The following SMG7 variants were observed in gnomAD, a reference collection of about 807,000 sequenced individuals.
SMG7 encodes the protein nonsense-mediated mRNA decay factor SMG7.
In SMG7, 34 loss-of-function variants were observed where a neutral mutation model predicts 148.2. That is an observed-to-expected ratio of 0.23 (90% CI 0.17 to 0.31). The LOEUF (loss-of-function observed/expected upper bound fraction) is 0.31. SMG7 is among the 10% of genes least tolerant of loss of function. The pLI, the probability that SMG7 is intolerant of heterozygous loss-of-function variation, is 1.00. For synonymous variants in SMG7, 492 were observed against 515.1 expected, an observed-to-expected ratio of 0.96 and a Z score of 0.61; for missense variants, 1,114 against 1,408.4, an observed-to-expected ratio of 0.79 and a Z score of 3.35.
chr1:183,502,533 A>G (rs1659971660), intron 1 of SMG7: 1 of 566,142 alleles, frequency 1.8e-6, no homozygotes, highest in Non-Finnish European at 2.8e-6. Context: ...GGCATGCTAA[A>G]GTTTTATTAT....
chr1:183,487,530 G>A (rs779213548), intron 1 of SMG7, among the ~76,000 whole-genome samples: 6 of 152,164 alleles, frequency 3.9e-5, no homozygotes, highest in Non-Finnish European at 8.8e-5. Context: ...TTCCACAATA[G>A]CTATACAGCC....
At chr1:183,516,106 A>G (rs1258523395) in intron 3 of SMG7, 115 bp downstream of exon 3, 11 of 670,112 alleles carry the variant, frequency 1.6e-5, no homozygotes, top group East Asian at 2.6e-5. Context: ...AACTTTTTCA[A>G]TGGAAAGTAA....
At chr1:183,485,556 A>C (rs1179780389) in intron 1 of SMG7, among the ~76,000 whole-genome samples, 1 of 152,186 alleles carries the variant, frequency 6.6e-6, no homozygotes, top group African/African-American at 2.4e-5. Context: ...TAGTATCACT[A>C]CTTAGATACA....
chr1:183,544,650 T>G (rs952588983), intron 15 of SMG7, among the ~76,000 whole-genome samples, 153 bp downstream of exon 15: 7 of 152,242 alleles, frequency 4.6e-5, no homozygotes, highest in African/African-American at 1.7e-4. Context: ...TTGAACTGTT[T>G]GTGTGTAGTG....
chr1:183,549,796 G>C lies in SMG7; in HGVS notation c.3006G>C (p.Glu1002Asp), dbSNP rs1572113922. The change falls in exon 20 of 23, where the codon GAG (glutamate) becomes GAC (aspartate). Residue 1002 changes from glutamate (E) to aspartate (D), a missense_variant. Physicochemically the swap from Glu to Asp is conservative, Grantham distance 45. This residue lies in a region of SMG7 where 788 missense variants were observed against 894.5 expected (regional missense o/e 0.88). Transcript: ENST00000688051. ...ERYPNNSMFNEVYGKNLTSSS... is the reference protein window; with the variant it reads ...ERYPNNSMFNDVYGKNLTSSS... ...ACCCAAATAATAGTATGTTCAATGA[G>C]GTATATGGGAAAAACCTGACATCCA... is the stretch of plus-strand genomic sequence containing the variant. 1 of 1,613,786 alleles carries C rather than the reference G, an allele frequency of 6.2e-7. No homozygotes were observed. The highest frequency in any genetic ancestry group is 8.5e-7 in the Non-Finnish European group (1 of 1,179,760).
At chr1:183,481,686 A>G (rs1295364381) in intron 1 of SMG7, among the ~76,000 whole-genome samples, 2 of 152,200 alleles carry the variant, frequency 1.3e-5, no homozygotes, top group East Asian at 3.8e-4. Context: ...ATGTGGCACA[A>G]ATATTTCAAT....
At chr1:183,539,898 A>G (rs1346885535) in intron 12 of SMG7, among the ~76,000 whole-genome samples, 1 of 152,200 alleles carries the variant, frequency 6.6e-6, no homozygotes, top group Non-Finnish European at 1.5e-5. Flanking sequence ...GTCTGTTTCT[A>G]CACTGCCTAT....
chr1:183,504,701 G>A (rs1660510264), intron 1 of SMG7, among the ~76,000 whole-genome samples: 1 of 152,006 alleles, frequency 6.6e-6, no homozygotes, highest in Non-Finnish European at 1.5e-5. Context: ...CACTTTCTCT[G>A]CATTCTTTTC....
At position 183,553,366 on chromosome 1, in the gene SMG7, T is replaced by C. The variant is rs1671356451; in HGVS notation, c.*1435T>C. On this transcript the variant is annotated 3_prime_UTR_variant, in exon 23 of 23. Coordinates refer to ENST00000688051, the MANE Select transcript of SMG7 (RefSeq NM_001375584.1). The stretch of plus-strand genomic sequence containing the variant: ...ATTGCTGTGCTAGTGGTAGGGTTTA[T>C]TTTCTGGGAGGTCTCTCCTTTGTGT... 1.3e-6 allele frequency: 1 copy of C among 770,966 alleles called. No individual in the cohort carries two copies. The highest frequency in any genetic ancestry group is 2.0e-6 in the Non-Finnish European group (1 of 496,488). The allele number at this position is 770,966 out of a possible 1,614,324, so 47.8% of individuals were successfully genotyped here.
At chr1:183,514,028 TCA>T (rs1662867790) in intron 2 of SMG7, among the ~76,000 whole-genome samples, 1 of 61,308 alleles carries the variant, frequency 1.6e-5, no homozygotes, top group African/African-American at 7.6e-5. Context: ...AGACTCCGTC[TCA>T]AAAAAAAAAA....
chr1:183,547,682 A>C (rs888127024), intron 18 of SMG7, among the ~76,000 whole-genome samples: 1 of 152,164 alleles, frequency 6.6e-6, no homozygotes, highest in African/African-American at 2.4e-5. Context: ...TTTGACTGAC[A>C]TTACTGAACA....
intron 17 of SMG7, 39 bp from the exon 18 acceptor site, chr1:183,547,064 T>C (rs1572100654): frequency 2.6e-6 from 4 of 1,528,710 alleles, no homozygotes; most frequent in Non-Finnish European, 3.5e-6. Context: ...GCTTTTGTTA[T>C]CCCTTATTGC....
At chr1:183,507,639 T>G (rs1661218369) in intron 1 of SMG7, among the ~76,000 whole-genome samples, 1 of 152,194 alleles carries the variant, frequency 6.6e-6, no homozygotes, top group Non-Finnish European at 1.5e-5. Context: ...ACGCTACATA[T>G]AGTGTTAGCT....
chr1:183,508,705 A>C (rs1203950176), intron 1 of SMG7, among the ~76,000 whole-genome samples: 2 of 152,124 alleles, frequency 1.3e-5, no homozygotes, highest in Non-Finnish European at 1.5e-5. Context: ...CACCTGTCTA[A>C]ATGGATATTT....
chr1:183,508,216 C>CAA, intron 1 of SMG7: 1 of 735,316 alleles, frequency 1.4e-6, no homozygotes, highest in Non-Finnish European at 1.7e-6. Flanking sequence ...TCTTTGGAGA[C>CAA]AAAGTCTCAC....
At chr1:183,534,651 A>G (rs1667425570) in intron 10 of SMG7, among the ~76,000 whole-genome samples, 1 of 152,200 alleles carries the variant, frequency 6.6e-6, no homozygotes, top group Non-Finnish European at 1.5e-5. Flanking sequence ...ACTTGAGGTC[A>G]GGAGTTTGAG....
rs1439266972 is a variant in SMG7 at position 183,547,394 on chromosome 1, A to G, written c.2892+142A>G. ...TAAAACATATTTTCTAATTGCCTAAACCAACCTTAAGTTGGTAGTAGGATA... is the reference window on the plus strand; with the variant it reads ...TAAAACATATTTTCTAATTGCCTAAGCCAACCTTAAGTTGGTAGTAGGATA... On this transcript the variant is annotated intron_variant, in intron 18 of 22. Coordinates refer to ENST00000688051, the MANE Select transcript of SMG7 (RefSeq NM_001375584.1). The G allele has an allele frequency of 7.7e-6, 6 of 777,170 alleles. No individual in the cohort carries two copies. The East Asian group carries it at 1.7e-4, about 22-fold the overall frequency. The allele number at this position is 777,170 out of a possible 1,614,324, so 48.1% of individuals were successfully genotyped here. A position where few individuals can be genotyped will look rare whatever the true frequency, so the allele number is the denominator to read the frequency against.
intron 1 of SMG7, among the ~76,000 whole-genome samples, chr1:183,491,967 C>G (rs908326410): frequency 3.9e-5 from 6 of 152,182 alleles, no homozygotes; most frequent in Non-Finnish European, 8.8e-5. Flanking sequence ...CTAATTCTCT[C>G]CAGCCCTTTC....
rs1372959165 is a variant in SMG7 at position 183,549,234 on chromosome 1, G to A, written c.2919G>A (p.Glu973=). 1.2e-6 allele frequency: 2 copies of A among 1,613,714 alleles called. No homozygotes were observed. The highest frequency in any genetic ancestry group is 1.7e-6 in the Non-Finnish European group (2 of 1,179,722). The change falls in exon 19 of 23, where the codon GAG becomes GAA. Residue 973 remains glutamate (E), a synonymous_variant. Coordinates refer to ENST00000688051, the MANE Select transcript of SMG7 (RefSeq NM_001375584.1). ...LFKSLLEKPS[E]LMSHSSSFLS... is the part of the protein sequence containing the mutation. ...AATCCTTATTGGAGAAGCCCTCAGA[G>A]CTCATGTCACATTCATCCTCTTTCC...
Sources: allele counts gnomAD v4.1 joint callset (sites outside exome capture counted in the v4.1 genomes callset), GRCh38; gene constraint gnomAD v4.1.1; regional missense constraint gnomAD v4.1.1; transcripts MANE v1.5; gene names NCBI Gene and HGNC (gene_info 2026-07-23, HGNC 2026-07-21).